The following AP3B1 variants were observed in gnomAD, a reference collection of about 807,000 sequenced individuals.
AP3B1 encodes the protein AP-3 complex subunit beta-1.
AP3B1 carries 61 observed loss-of-function variants against 132.5 expected under a neutral mutation model. That is an observed-to-expected ratio of 0.46 (90% CI 0.37 to 0.57). The LOEUF is 0.57. AP3B1 is among the 20% of genes least tolerant of loss of function. The pLI, the probability that AP3B1 is intolerant of heterozygous loss-of-function variation, is 0.00. For synonymous variants in AP3B1, 388 were observed against 438.3 expected (o/e 0.89, Z 1.43); for missense variants, 1,120 against 1,289.4 (o/e 0.87, Z 2.01).
intron 14 of AP3B1, among the ~76,000 whole-genome samples, chr5:78,150,502 G>T (rs1187544149): frequency 6.6e-6 from 1 of 152,172 alleles, no homozygotes; most frequent in East Asian, 1.9e-4. Context: ...AATAAAACTT[G>T]TTGCAGATAG....
At chr5:78,205,501 G>A (rs1299070178) in intron 7 of AP3B1, among the ~76,000 whole-genome samples, 2 of 151,442 alleles carry the variant, frequency 1.3e-5, no homozygotes, top group Admixed American at 1.3e-4. Context: ...AACTTTACTG[G>A]CCCCTAAATA....
intron 13 of AP3B1, among the ~76,000 whole-genome samples, chr5:78,158,936 G>A (rs1743274382): frequency 6.6e-6 from 1 of 152,130 alleles, no homozygotes; most frequent in Admixed American, 6.5e-5. Context: ...GACCTCAGGT[G>A]ATCCACCCGC....
intron 22 of AP3B1, among the ~76,000 whole-genome samples, chr5:78,048,072 G>A (rs1748417613): frequency 6.6e-6 from 1 of 152,202 alleles, no homozygotes; most frequent in Non-Finnish European, 1.5e-5. Flanking sequence ...TCTGCGCAAT[G>A]GTGCCATACA....
At chr5:78,280,981 A>AT (rs35820660) in intron 1 of AP3B1, among the ~76,000 whole-genome samples, 34,290 of 152,094 alleles carry the variant, frequency 0.23, 4,539 homozygotes, top group Middle Eastern at 0.31. Flanking sequence ...TTTTACCACA[A>AT]TTTTTTAAAG....
At chr5:78,191,354 C>CCAAAAAAAAAAAAAA (rs1744820781) in intron 7 of AP3B1, among the ~76,000 whole-genome samples, 1 of 72,830 alleles carries the variant, frequency 1.4e-5, no homozygotes, top group African/African-American at 5.5e-5. Flanking sequence ...TGCTTTTCCC[C>CCAAAAAAAAAAAAAA]AAAAAAAAAA....
At chr5:78,289,294 G>A (rs1011487514) in intron 1 of AP3B1, among the ~76,000 whole-genome samples, 1 of 152,208 alleles carries the variant, frequency 6.6e-6, no homozygotes, top group African/African-American at 2.4e-5. Flanking sequence ...TAAAGGTTAA[G>A]AATGAATGTA....
chr5:78,048,324 G>A (rs1052141642), intron 22 of AP3B1, among the ~76,000 whole-genome samples: 1 of 152,162 alleles, frequency 6.6e-6, no homozygotes, highest in Non-Finnish European at 1.5e-5. Context: ...GCCTTTTGAG[G>A]AAGCTTTGCC....
rs188470995 is a variant in AP3B1 at position 78,111,453 on chromosome 5, T to C, written c.2250-1099A>G. Among the ~76,000 whole-genome samples, 122 of 152,186 alleles carry C rather than the reference T, an allele frequency of 8.0e-4. 1 individual carries two copies. In the Middle Eastern group the frequency reaches 0.01, roughly 13 times the overall value. ...GGTCCACTGGAGGATACAGATAAGG[T>C]TGCAGTGATAATACAGTATAATAAG... On this transcript the variant is annotated intron_variant, in intron 19 of 26. Coordinates refer to ENST00000255194, the MANE Select transcript of AP3B1 (RefSeq NM_003664.5).
chr5:78,119,714 T>C (rs543180570), intron 17 of AP3B1, among the ~76,000 whole-genome samples: 83 of 152,296 alleles, frequency 5.4e-4, no homozygotes, highest in Non-Finnish European at 9.7e-4. Flanking sequence ...CTACGTCTCA[T>C]TGGTGTACCT....
At chr5:78,143,801 G>C (rs1753260129) in intron 14 of AP3B1, among the ~76,000 whole-genome samples, 1 of 152,076 alleles carries the variant, frequency 6.6e-6, no homozygotes, top group South Asian at 2.1e-4. Flanking sequence ...ATCACTTGAG[G>C]ACAGGAGTTT....
intron 20 of AP3B1, among the ~76,000 whole-genome samples, chr5:78,107,473 T>C (rs1252202953): frequency 6.6e-6 from 1 of 152,076 alleles, no homozygotes; most frequent in Non-Finnish European, 1.5e-5. Flanking sequence ...AAAACCTGAA[T>C]GCCACAGTTG....
At chr5:78,020,031 T>C (rs1288336260) in intron 25 of AP3B1, among the ~76,000 whole-genome samples, 2 of 151,994 alleles carry the variant, frequency 1.3e-5, no homozygotes, top group Non-Finnish European at 2.9e-5. Context: ...CTTATTCACA[T>C]ACGAAAAAAA....
chr5:78,280,416 T>C (rs1028865679), intron 1 of AP3B1, among the ~76,000 whole-genome samples: 2 of 152,222 alleles, frequency 1.3e-5, no homozygotes, highest in Non-Finnish European at 2.9e-5. Flanking sequence ...CAGAATAGTG[T>C]ATTCCGTCCA....
chr5:78,204,309 A>T (rs189954917), intron 7 of AP3B1, among the ~76,000 whole-genome samples: 1 of 152,276 alleles, frequency 6.6e-6, no homozygotes, highest in Non-Finnish European at 1.5e-5. Flanking sequence ...TCTTTGTTGC[A>T]TGTGGTCATG....
At chr5:78,162,589 G>A (rs1413256023) in intron 13 of AP3B1, among the ~76,000 whole-genome samples, 3 of 151,436 alleles carry the variant, frequency 2.0e-5, no homozygotes, top group Admixed American at 6.6e-5. Flanking sequence ...GATCTGTTGC[G>A]GTAAAACAAA....
intron 14 of AP3B1, among the ~76,000 whole-genome samples, chr5:78,144,498 C>T (rs1753299183): frequency 6.6e-6 from 1 of 152,198 alleles, no homozygotes; most frequent in South Asian, 2.1e-4. Context: ...ACATCAATTT[C>T]ATTTATTTAA....
chr5:78,175,805 T>A lies in AP3B1; in HGVS notation c.1074A>T (p.Ala358=). 1.2e-6 allele frequency: 2 copies of A among 1,612,324 alleles called. No individual in the cohort carries two copies. Among genetic ancestry groups the A allele is most frequent in the South Asian group, 2.2e-5 (2 of 91,016 alleles). The change falls in exon 10 of 27, where the codon GCA becomes GCT. Residue 358 remains alanine (A), a synonymous_variant. Coordinates refer to ENST00000255194, the MANE Select transcript of AP3B1 (RefSeq NM_003664.5). ...EVQYIVLQNI[A]TMSIQRKGMF... is the part of the protein sequence containing the mutation. ...ATACCTTTCTTTGAATTGACATAGT[T>A]GCTATATTTTGTAGGACAATATACT...
chr5:78,213,397 A>C (rs1323237318), intron 7 of AP3B1, among the ~76,000 whole-genome samples: 1 of 152,246 alleles, frequency 6.6e-6, no homozygotes, highest in Non-Finnish European at 1.5e-5. Flanking sequence ...TTGACCACTC[A>C]TTTGAATCTT....
rs186804134 is a variant in AP3B1 at position 78,035,270 on chromosome 5, T to C, written c.2810-825A>G. 4.4e-4 allele frequency among the ~76,000 whole-genome samples: 67 copies of C among 152,124 alleles called. 2 individuals are homozygous for C. In the East Asian group the frequency reaches 9.4e-3, roughly 21 times the overall value. ...TAATTGAGGGGATCTTAAATAAATA[T>C]GTATATATTTGTTTATATATAGAAA... On this transcript the variant is annotated intron_variant, in intron 23 of 26. Coordinates refer to ENST00000255194, the MANE Select transcript of AP3B1 (RefSeq NM_003664.5).
Sources: allele counts gnomAD v4.1 joint callset (sites outside exome capture counted in the v4.1 genomes callset), GRCh38; gene constraint gnomAD v4.1.1; transcripts MANE v1.5; gene names NCBI Gene and HGNC (gene_info 2026-07-23, HGNC 2026-07-21).